MTOR: variants seen among roughly 807,000 people sequenced by gnomAD.
MTOR encodes mechanistic target of rapamycin kinase.
A neutral mutation model predicts 319.8 loss-of-function variants in MTOR; 70 were observed. That is an observed-to-expected ratio of 0.22 (90% CI 0.18 to 0.27). MTOR has a LOEUF of 0.27. Among genes scored for constraint, MTOR ranks in the 10% least tolerant of loss-of-function variants. The probability of loss-of-function intolerance (pLI) is 1.00; values close to 1 mark genes in which losing one functional copy is unlikely to be tolerated. For synonymous variants in MTOR, 1,183 were observed against 1,211.4 expected, an observed-to-expected ratio of 0.98 and a Z score of 0.49; for missense variants, 1,890 against 3,274.4, an observed-to-expected ratio of 0.58 and a Z score of 10.32.
chr1:11,217,226 A>C (rs954885048), intron 19 of MTOR, among the ~76,000 whole-genome samples: 2 of 152,182 alleles, frequency 1.3e-5, no homozygotes, highest in Non-Finnish European at 2.9e-5. Flanking sequence ...GGAAGAAAAA[A>C]CATGCACTAA....
chr1:11,132,279 G>C (rs1015981067), intron 38 of MTOR: 2 of 152,088 alleles, frequency 1.3e-5, no homozygotes, highest in South Asian at 2.1e-4. Flanking sequence ...TTCCAGCTTT[G>C]GACATGCAAG....
chr1:11,249,407 CTTTATTTATTTA>C (rs139501937), intron 6 of MTOR, among the ~76,000 whole-genome samples: 41 of 150,828 alleles, frequency 2.7e-4, no homozygotes, highest in African/African-American at 9.8e-4. Context: ...AACACTCCAT[CTTTATTTATTTA>C]TTTATTTATT....
chr1:11,114,043 T>G (rs887811204), intron 53 of MTOR, among the ~76,000 whole-genome samples: 1 of 152,162 alleles, frequency 6.6e-6, no homozygotes, highest in Non-Finnish European at 1.5e-5. Flanking sequence ...TGATTGTAAG[T>G]TTCCTGAGTT....
At chr1:11,181,063 C>T (rs1486758847) in intron 28 of MTOR, among the ~76,000 whole-genome samples, 1 of 152,170 alleles carries the variant, frequency 6.6e-6, no homozygotes, top group East Asian at 1.9e-4. Flanking sequence ...GCATGAGCCA[C>T]CTTGCCCGCC....
intron 54 of MTOR, among the ~76,000 whole-genome samples, chr1:11,110,532 G>T (rs1350354821): frequency 6.6e-6 from 1 of 152,054 alleles, no homozygotes; most frequent in Non-Finnish European, 1.5e-5. Flanking sequence ...GAGTAGCTGG[G>T]ATTACAGGCA....
At chr1:11,160,036 C>T (rs759103688) in intron 29 of MTOR, among the ~76,000 whole-genome samples, 3 of 152,030 alleles carry the variant, frequency 2.0e-5, no homozygotes, top group East Asian at 1.9e-4. Context: ...TAAGCAATAA[C>T]GAACACAAAA....
chr1:11,123,290 G>A lies in MTOR; in HGVS notation c.6663-1164C>T, dbSNP rs1009716266. ...TATTTACTTTTTGAGATAGGGTCTC[G>A]CTGTTACCTAGGCTCGAGCACAGTT... On this transcript the variant is annotated intron_variant, in intron 47 of 57. Transcript: ENST00000361445. Among the ~76,000 whole-genome samples the A allele has an allele frequency of 4.6e-5, 7 of 151,796 alleles. No homozygotes were observed. The East Asian group carries it at 5.8e-4, about 13-fold the overall frequency.
Position 11,144,678 on chromosome 1 carries a change from G to A in MTOR, c.4842C>T (p.Ile1614=), listed in dbSNP as rs2100505968. Residue 1614 remains isoleucine (I), a synonymous_variant, in exon 34 of 58, where the codon ATC becomes ATT. Transcript: ENST00000361445. ...QYKLVPERRE[I]IRQIWWERLQ... The stretch of plus-strand genomic sequence containing the variant: ...GTCTCTCCCACCAGATCTGGCGGAT[G>A]ATCTCTCGTCGCTCGGGGACAAGTT... 6.2e-7 allele frequency: 1 copy of A among 1,614,132 alleles called. No individual in the cohort carries two copies.
chr1:11,169,217 G>T (rs919710053), intron 28 of MTOR, among the ~76,000 whole-genome samples: 1 of 152,214 alleles, frequency 6.6e-6, no homozygotes, highest in South Asian at 2.1e-4. Context: ...GCTAACATTT[G>T]TGAAAGTAAT....
intron 19 of MTOR, among the ~76,000 whole-genome samples, chr1:11,222,098 A>G (rs1342535956): frequency 6.6e-6 from 1 of 151,942 alleles, no homozygotes; most frequent in African/African-American, 2.4e-5. Flanking sequence ...AAATAAAGGG[A>G]AAGATTCATG....
At chr1:11,126,881 A>G (rs2100398941) in intron 45 of MTOR, 85 bp from the exon 46 acceptor site, 4 of 1,578,262 alleles carry the variant, frequency 2.5e-6, no homozygotes, top group Non-Finnish European at 2.6e-6. Context: ...TGGATTGCTA[A>G]TAACAATTAC....
chr1:11,243,921 G>A (rs2100925401), intron 8 of MTOR, among the ~76,000 whole-genome samples: 1 of 152,112 alleles, frequency 6.6e-6, no homozygotes. Context: ...CACTTTGGGA[G>A]GCTGAGGAAC....
At position 11,240,304 on chromosome 1, in the gene MTOR, T is replaced by C. The variant is rs1647839893; in HGVS notation, c.1785A>G (p.Glu595=). ...ALRTLGSFEF[E]GHSLTQFVRH... is the part of the protein sequence containing the mutation. ...GCAAGAGCCGTTGTAATTTCTTACC[T>C]TCAAATTCAAAGCTGCCAAGCGTTC... The change falls in exon 11 of 58, where the codon GAA becomes GAG. Residue 595 remains glutamate (E), a splice_region_variant and synonymous_variant. Transcript: ENST00000361445. The C allele has an allele frequency of 6.4e-7, 1 of 1,553,250 alleles. No individual in the cohort carries two copies. Among genetic ancestry groups the C allele is most frequent in the Non-Finnish European group, 8.7e-7 (1 of 1,150,428 alleles).
chr1:11,113,854 G>A (rs1431433108), intron 53 of MTOR, among the ~76,000 whole-genome samples: 2 of 152,170 alleles, frequency 1.3e-5, no homozygotes, highest in Admixed American at 1.3e-4. Flanking sequence ...ATGTGTTGTG[G>A]GAGGGACCTC....
chr1:11,228,080 G>A (rs1176533080), intron 19 of MTOR, among the ~76,000 whole-genome samples: 3 of 151,986 alleles, frequency 2.0e-5, no homozygotes, highest in South Asian at 2.1e-4. Context: ...CGTCATGAAG[G>A]AGCAACCAGA....
Position 11,232,538 on chromosome 1 carries a change from G to T in MTOR, c.2422-10C>A. 1 of 1,606,516 alleles carries T rather than the reference G, an allele frequency of 6.2e-7. No homozygotes were observed. The highest frequency in any genetic ancestry group is 8.5e-7 in the Non-Finnish European group (1 of 1,175,044). Reference sequence around the variant, plus strand: ...TTTCCAGGCCACTAACCTGCAAAATGAAAAAGAGGGTGGCAGAAAGGGTTA... The same window carrying T: ...TTTCCAGGCCACTAACCTGCAAAATTAAAAAGAGGGTGGCAGAAAGGGTTA... On this transcript the variant is annotated splice_polypyrimidine_tract_variant and intron_variant, in intron 15 of 57. Transcript: ENST00000361445.
intron 28 of MTOR, among the ~76,000 whole-genome samples, chr1:11,172,527 T>A (rs1369344106): frequency 7.5e-6 from 1 of 132,522 alleles, no homozygotes; most frequent in Non-Finnish European, 1.6e-5. Flanking sequence ...ACCACTGCAT[T>A]CCAACCTGGG....
intron 31 of MTOR, chr1:11,149,415 T>C (rs1035140103): frequency 2.0e-5 from 3 of 152,224 alleles, no homozygotes; most frequent in African/African-American, 7.2e-5. Flanking sequence ...ATGAAGGTGC[T>C]GGGAGGGTGA....
chr1:11,248,057 T>G lies in MTOR; in HGVS notation c.878A>C (p.Gln293Pro). The G allele has an allele frequency of 6.2e-7, 1 of 1,611,940 alleles. No homozygotes were observed. Among genetic ancestry groups the G allele is most frequent in the Non-Finnish European group, 8.5e-7 (1 of 1,178,514 alleles). ...REEMEEITQQ[Q>P]LVHDKYCKDL... is the part of the protein sequence containing the mutation. ...TTTGCAGTACTTGTCGTGTACCAGC[T>G]GCTGCTGTGTGATTTCTTCCATTTC... Residue 293 changes from glutamine to proline, a missense_variant, in exon 7 of 58, where the codon CAG (glutamine) becomes CCG (proline). This residue lies in a region of MTOR where 418 missense variants were observed against 543.1 expected (regional missense o/e 0.77). Coordinates refer to ENST00000361445, the MANE Select transcript of MTOR (RefSeq NM_004958.4).
Sources: gnomAD v4.1 joint callset for allele counts (sites outside exome capture counted in the v4.1 genomes callset) on GRCh38, gnomAD v4.1.1 for gene constraint, gnomAD v4.1.1 regional missense constraint, MANE v1.5 for transcripts, NCBI Gene and HGNC (gene_info 2026-07-23, HGNC 2026-07-21) for gene names.